The following ANXA5 variants were observed in gnomAD, a reference collection of about 807,000 sequenced individuals.
ANXA5 encodes CBP-I.
In ANXA5, 40 loss-of-function variants were observed where a neutral mutation model predicts 48.1. That is an observed-to-expected ratio of 0.83 (90% CI 0.65 to 1.08). The LOEUF (loss-of-function observed/expected upper bound fraction) is 1.08. Among genes scored for constraint, ANXA5 ranks in the 50% least tolerant of loss-of-function variants. The probability of loss-of-function intolerance (pLI) is 0.00; values close to 1 mark genes in which losing one functional copy is unlikely to be tolerated. For missense variants in ANXA5, 357 were observed against 376.8 expected, an observed-to-expected ratio of 0.95 and a Z score of 0.44; for synonymous variants, 113 against 129.1, an observed-to-expected ratio of 0.88 and a Z score of 0.85.
chr4:121,695,680 A>C (rs1725066938), intron 2 of ANXA5, among the ~76,000 whole-genome samples: 1 of 152,138 alleles, frequency 6.6e-6, no homozygotes, highest in Non-Finnish European at 1.5e-5. Context: ...AGGCGGGAGG[A>C]TCACTTGAGG....
chr4:121,670,071 AT>A, intron 10 of ANXA5, 59 bp from the exon 11 acceptor site: 1 of 1,272,946 alleles, frequency 7.9e-7, no homozygotes. Context: ...GGATTAAGTA[AT>A]TAAAAATCAA....
chr4:121,668,416 A>C lies in ANXA5; in HGVS notation c.*52T>G. On this transcript the variant is annotated 3_prime_UTR_variant, in exon 13 of 13. Coordinates refer to ENST00000296511, the MANE Select transcript of ANXA5 (RefSeq NM_001154.4). The stretch of plus-strand genomic sequence containing the variant: ...CAAATGCAGCTAAAGGTGCTGAAGG[A>C]AGGCAGTGGGGTGGTGCAGGCACAC... 1 of 1,538,588 alleles carries C rather than the reference A, an allele frequency of 6.5e-7. No homozygotes were observed. The highest frequency in any genetic ancestry group is 1.1e-5 in the South Asian group (1 of 89,510).
chr4:121,688,297 T>C (rs141319938), intron 2 of ANXA5, among the ~76,000 whole-genome samples: 198 of 152,278 alleles, frequency 1.3e-3, no homozygotes, highest in African/African-American at 4.5e-3. Context: ...GCACCCTCTA[T>C]ATCTGATCAA....
At chr4:121,675,910 T>C (rs1197403379) in intron 8 of ANXA5, among the ~76,000 whole-genome samples, 2 of 152,210 alleles carry the variant, frequency 1.3e-5, no homozygotes, top group Non-Finnish European at 2.9e-5. Context: ...AAGGTTAAAA[T>C]GTACTGTTTT....
intron 2 of ANXA5, among the ~76,000 whole-genome samples, chr4:121,686,796 T>G (rs1301145198): frequency 1.3e-5 from 2 of 152,182 alleles, no homozygotes; most frequent in Non-Finnish European, 2.9e-5. Flanking sequence ...TGCCTTTTGA[T>G]CTAAGTCCTG....
chr4:121,674,108 G>A (rs1724656287), intron 8 of ANXA5, among the ~76,000 whole-genome samples: 1 of 149,046 alleles, frequency 6.7e-6, no homozygotes, highest in South Asian at 2.2e-4. Flanking sequence ...TTGAACCCAG[G>A]AGGCAGAGGT....
rs749339767 is a variant in ANXA5 at position 121,669,948 on chromosome 4, ACTTAC to A, written c.780+1_780+5del. 6.3e-7 allele frequency: 1 copy of A among 1,589,220 alleles called. No homozygotes were observed. The stretch of plus-strand genomic sequence containing the variant: ...ATTAGATAGAAGGTTCATGGTCTCC[ACTTAC>A]CTTCATAGCATAATAGAGGGTCTCT... On this transcript the variant is annotated splice_donor_variant and splice_donor_5th_base_variant and intron_variant, in intron 11 of 12. Transcript: ENST00000296511. LOFTEE classifies it high-confidence loss of function.
In ANXA5 at chr4:121,671,552, G is replaced by T; in HGVS notation, c.716C>A (p.Ala239Asp). ...TSGNLEQLLL[A>D]VVKSIRSIPA... is the part of the protein sequence containing the mutation. ...ATACATTGTAAATCACCTACCAACA[G>T]CAAGGAGTAGTTGCTCTAAATTGCC... is the stretch of plus-strand genomic sequence containing the variant. The change falls in exon 10 of 13, where the codon GCT (alanine) becomes GAT (aspartate). Residue 239 changes from alanine (A) to aspartate (D), a missense_variant. Physicochemically the swap from Ala to Asp is moderately radical, Grantham distance 126 (BLOSUM62 -2). Transcript: ENST00000296511. The T allele has an allele frequency of 6.2e-7, 1 of 1,609,416 alleles. No individual in the cohort carries two copies. Among genetic ancestry groups the T allele is most frequent in the Non-Finnish European group, 8.5e-7 (1 of 1,175,912 alleles).
chr4:121,693,546 C>T (rs973136594), intron 2 of ANXA5, among the ~76,000 whole-genome samples: 1 of 152,146 alleles, frequency 6.6e-6, no homozygotes, highest in Admixed American at 6.5e-5. Flanking sequence ...AGAAGAAAGC[C>T]GGACTGCCTG....
At chr4:121,670,846 A>C (rs1051182451) in intron 10 of ANXA5, among the ~76,000 whole-genome samples, 6 of 152,212 alleles carry the variant, frequency 3.9e-5, no homozygotes, top group African/African-American at 1.4e-4. Context: ...GTTCATGCAG[A>C]TCTTTAGCTT....
At chr4:121,683,300 A>C in intron 5 of ANXA5, 64 bp downstream of exon 5, 29 of 870,634 alleles carry the variant, frequency 3.3e-5, no homozygotes, top group Non-Finnish European at 4.9e-5. Context: ...AATAAGAGGA[A>C]GTAATTACCA....
chr4:121,668,354 C>T lies in ANXA5; in HGVS notation c.*114G>A. 1 of 870,044 alleles carries T rather than the reference C, an allele frequency of 1.1e-6. No individual in the cohort carries two copies. The highest frequency in any genetic ancestry group is 1.9e-6 in the Non-Finnish European group (1 of 521,990). 53.9% of individuals were successfully genotyped at this position (870,044 alleles called of 1,614,324 possible). ...CGTGTATGTGTTGGTCATGAGCATGCTAGTATGAATAAGGCAATGTGTTAA... is the reference window on the plus strand; with the variant it reads ...CGTGTATGTGTTGGTCATGAGCATGTTAGTATGAATAAGGCAATGTGTTAA... On this transcript the variant is annotated 3_prime_UTR_variant, in exon 13 of 13. Coordinates refer to ENST00000296511, the MANE Select transcript of ANXA5 (RefSeq NM_001154.4).
rs902336874 is a variant in ANXA5 at position 121,677,934 on chromosome 4, T to A, written c.491A>T (p.Asp164Val). 2 of 1,613,716 alleles carry A rather than the reference T, an allele frequency of 1.2e-6. No individual in the cohort carries two copies. Among genetic ancestry groups the A allele is most frequent in the African/African-American group, 2.7e-5 (2 of 74,914 alleles). Residue 164 changes from aspartate to valine, a missense_variant, in exon 8 of 13, where the codon GAT (aspartate) becomes GTT (valine). Asp to Val is a radical substitution (Grantham distance 152, BLOSUM62 -3). Transcript: ENST00000296511. ...AACTTGAGCTTCATCAATTCCAGCATCAGGGTCTCTGTTAGCCTATGAGAG... is the reference window on the plus strand; with the variant it reads ...AACTTGAGCTTCATCAATTCCAGCAACAGGGTCTCTGTTAGCCTATGAGAG... ...VVLLQANRDP[D>V]AGIDEAQVEQ... is the part of the protein sequence containing the mutation.
chr4:121,683,562 A>G (rs904181867), intron 4 of ANXA5, 85 bp from the exon 5 acceptor site: 13 of 749,118 alleles, frequency 1.7e-5, no homozygotes, highest in Admixed American at 7.1e-5. Context: ...CCTTTGCTCT[A>G]ATGAATTCTT....
chr4:121,675,439 T>G (rs1560824901), intron 8 of ANXA5, among the ~76,000 whole-genome samples: 1 of 152,212 alleles, frequency 6.6e-6, no homozygotes. Flanking sequence ...TACAAGTTGG[T>G]GTGTTCCTTT....
At chr4:121,669,810 T>C in intron 11 of ANXA5, 86 bp from the exon 12 acceptor site, 2 of 1,517,428 alleles carry the variant, frequency 1.3e-6, no homozygotes, top group Non-Finnish European at 1.8e-6. Flanking sequence ...GGTGAATCAA[T>C]AAGGTATAAC....
chr4:121,692,061 C>A (rs934449707), intron 2 of ANXA5, among the ~76,000 whole-genome samples: 2 of 152,150 alleles, frequency 1.3e-5, no homozygotes, highest in Non-Finnish European at 2.9e-5. Context: ...GCGTTAAACT[C>A]GAACTGGCCT....
At chr4:121,674,214 G>T in intron 8 of ANXA5, among the ~76,000 whole-genome samples, 1 of 92,302 alleles carries the variant, frequency 1.1e-5, no homozygotes, top group African/African-American at 4.1e-5. Flanking sequence ...GAGAGGGGCG[G>T]AAAGGAGAAG....
At chr4:121,687,103 C>T (rs141005242) in intron 2 of ANXA5, among the ~76,000 whole-genome samples, 12,876 of 151,994 alleles carry the variant, frequency 0.085, 735 homozygotes, top group Non-Finnish European at 0.12. Context: ...TCAGGAGATC[C>T]GAGACCATCC....
Sources: gnomAD v4.1 joint callset for allele counts (sites outside exome capture counted in the v4.1 genomes callset) on GRCh38, gnomAD v4.1.1 for gene constraint, MANE v1.5 for transcripts, NCBI Gene and HGNC (gene_info 2026-07-23, HGNC 2026-07-21) for gene names.